The following B3GALT1 variants were observed in gnomAD, a reference collection of about 807,000 sequenced individuals.
B3GALT1 encodes beta-1,3-galactosyltransferase 1, also known as UDP-Gal:betaGlcNAc beta 1,3-galactosyltransferase, polypeptide 1.
B3GALT1 carries 10 observed loss-of-function variants against 23.2 expected under a neutral mutation model. The observed-to-expected ratio is 0.43, with a 90% CI of 0.27 to 0.73. The LOEUF is 0.73. Among genes scored for constraint, B3GALT1 ranks in the 30% least tolerant of loss-of-function variants. The pLI, the probability that B3GALT1 is intolerant of heterozygous loss-of-function variation, is 0.21. For missense variants in B3GALT1, 299 were observed against 405.4 expected (o/e 0.74, Z 2.25); for synonymous variants, 156 against 141.5 (o/e 1.10, Z -0.73).
At chr2:167,828,089 T>C (rs1689266900) in intron 4 of B3GALT1, among the ~76,000 whole-genome samples, 1 of 152,194 alleles carries the variant, frequency 6.6e-6, no homozygotes, top group African/African-American at 2.4e-5. Context: ...CTCATGTTTC[T>C]CACCAGACTG....
chr2:167,328,544 G>A (rs559934328), intron 1 of B3GALT1, among the ~76,000 whole-genome samples: 53 of 152,016 alleles, frequency 3.5e-4, no homozygotes, highest in African/African-American at 1.3e-3. Context: ...TATTTCTGTG[G>A]TATCAGTTGT....
chr2:167,503,496 A>G (rs1279460271), intron 2 of B3GALT1, among the ~76,000 whole-genome samples: 2 of 152,224 alleles, frequency 1.3e-5, no homozygotes, highest in African/African-American at 2.4e-5. Context: ...GTCAAAATAA[A>G]GAAGCTTAAC....
chr2:167,741,092 C>G (rs937663095), intron 3 of B3GALT1, among the ~76,000 whole-genome samples: 2 of 152,160 alleles, frequency 1.3e-5, no homozygotes, highest in Non-Finnish European at 2.9e-5. Context: ...CTTTGTCTCT[C>G]TCTGTCATGG....
intron 2 of B3GALT1, among the ~76,000 whole-genome samples, chr2:167,549,541 G>C (rs1207762492): frequency 6.6e-6 from 1 of 152,134 alleles, no homozygotes; most frequent in East Asian, 1.9e-4. Context: ...CCCTTCCTAT[G>C]TTCAATTCTT....
chr2:167,619,917 T>C (rs146617427), intron 2 of B3GALT1, among the ~76,000 whole-genome samples: 5 of 152,250 alleles, frequency 3.3e-5, no homozygotes, highest in Non-Finnish European at 5.9e-5. Flanking sequence ...GAACTTGCAG[T>C]TTAGTAAGAA....
At chr2:167,670,008 A>C (rs1686295310) in intron 3 of B3GALT1, among the ~76,000 whole-genome samples, 1 of 152,222 alleles carries the variant, frequency 6.6e-6, no homozygotes, top group South Asian at 2.1e-4. Context: ...CTTCATGAAG[A>C]GGCTCATTGA....
Position 167,389,909 on chromosome 2 carries a change from CA to C in B3GALT1, c.-511+96590del, listed in dbSNP as rs141871874. ...CTGGGTGACAGAGGGATACCCTGTC[CA>C]AAAAAAAAAAAAAACAAAAAAAAAA... is the stretch of plus-strand genomic sequence containing the variant. On this transcript the variant is annotated intron_variant, in intron 1 of 4. Transcript: ENST00000392690. Among the ~76,000 whole-genome samples the C allele has an allele frequency of 8.6e-3, 966 of 112,554 alleles. 9 individuals carry two copies. The highest frequency in any genetic ancestry group is 0.036 in the African/African-American group (860 of 23,774). The allele number at this position is 112,554 out of a possible 152,430, so 73.8% of individuals were successfully genotyped here.
chr2:167,393,093 A>G (rs764524129), intron 1 of B3GALT1, among the ~76,000 whole-genome samples: 12 of 152,050 alleles, frequency 7.9e-5, no homozygotes, highest in East Asian at 1.9e-4. Context: ...AATTAGCCAG[A>G]CGTGGTGGTG....
chr2:167,360,873 T>C (rs1452110584), intron 1 of B3GALT1, among the ~76,000 whole-genome samples: 1 of 152,176 alleles, frequency 6.6e-6, no homozygotes, highest in African/African-American at 2.4e-5. Flanking sequence ...CCTTTCCCTC[T>C]CCAGCCTCTG....
At chr2:167,447,596 C>A (rs1699020566) in intron 1 of B3GALT1, among the ~76,000 whole-genome samples, 1 of 152,148 alleles carries the variant, frequency 6.6e-6, no homozygotes, top group Non-Finnish European at 1.5e-5. Context: ...TGCCCCCTTG[C>A]AGTTGGATCT....
At chr2:167,791,824 T>G (rs984800023) in intron 3 of B3GALT1, among the ~76,000 whole-genome samples, 2 of 152,046 alleles carry the variant, frequency 1.3e-5, no homozygotes, top group African/African-American at 4.8e-5. Context: ...CACTAGATCT[T>G]GTATTTTATT....
intron 3 of B3GALT1, among the ~76,000 whole-genome samples, chr2:167,686,040 C>A (rs1243002643): frequency 6.6e-6 from 1 of 152,138 alleles, no homozygotes; most frequent in African/African-American, 2.4e-5. Flanking sequence ...GTCTGTGAGC[C>A]TGGAATTCAA....
At chr2:167,802,090 C>T (rs1262245885) in intron 3 of B3GALT1, among the ~76,000 whole-genome samples, 1 of 152,138 alleles carries the variant, frequency 6.6e-6, no homozygotes, top group Non-Finnish European at 1.5e-5. Flanking sequence ...GGCAGCTGTG[C>T]CACAGGGCAC....
intron 1 of B3GALT1, among the ~76,000 whole-genome samples, chr2:167,444,263 G>A (rs930041759): frequency 6.6e-6 from 1 of 152,132 alleles, no homozygotes; most frequent in Non-Finnish European, 1.5e-5. Context: ...GCTGGATTTG[G>A]TTTGCCACTA....
At chr2:167,660,488 A>G (rs1262041151) in intron 3 of B3GALT1, among the ~76,000 whole-genome samples, 1 of 152,076 alleles carries the variant, frequency 6.6e-6, no homozygotes, top group African/African-American at 2.4e-5. Context: ...AGATTCTATT[A>G]TTGTAATTTG....
At chr2:167,732,038 A>G (rs1439654811) in intron 3 of B3GALT1, among the ~76,000 whole-genome samples, 3 of 152,206 alleles carry the variant, frequency 2.0e-5, no homozygotes, top group African/African-American at 4.8e-5. Flanking sequence ...TATACACAGT[A>G]TTACAACCTA....
intron 1 of B3GALT1, among the ~76,000 whole-genome samples, chr2:167,451,310 T>G (rs1267926662): frequency 6.6e-6 from 1 of 152,162 alleles, no homozygotes; most frequent in Non-Finnish European, 1.5e-5. Context: ...TGGTTCCTTC[T>G]CATTTGGGTA....
intron 4 of B3GALT1, among the ~76,000 whole-genome samples, chr2:167,865,200 G>C (rs1178868925): frequency 1.3e-5 from 2 of 151,612 alleles, no homozygotes; most frequent in African/African-American, 2.4e-5. Context: ...CCTGAGGTCA[G>C]GAGTTGGAGA....
At chr2:167,320,578 A>G (rs989275212) in intron 1 of B3GALT1, among the ~76,000 whole-genome samples, 1 of 152,102 alleles carries the variant, frequency 6.6e-6, no homozygotes, top group Non-Finnish European at 1.5e-5. Context: ...TTTCTGTTAA[A>G]GAATAAAAGC....
Sources: gnomAD v4.1 joint callset for allele counts (sites outside exome capture counted in the v4.1 genomes callset) on GRCh38, gnomAD v4.1.1 for gene constraint, MANE v1.5 for transcripts, NCBI Gene and HGNC (gene_info 2026-07-23, HGNC 2026-07-21) for gene names.